Variants in ARHGAP25 observed in about 807,000 individuals in gnomAD.
ARHGAP25 encodes rho GTPase-activating protein 25.
In ARHGAP25, 34 loss-of-function variants were observed where a neutral mutation model predicts 71.0. The observed-to-expected ratio is 0.48, with a 90% confidence interval of 0.36 to 0.64. The LOEUF (loss-of-function observed/expected upper bound fraction) is 0.64. Ranked by LOEUF, ARHGAP25 falls within the 30% of genes least tolerant of loss-of-function variation. The pLI is 0.00. For missense variants in ARHGAP25, 706 were observed against 805.1 expected (o/e 0.88, Z 1.49); for synonymous variants, 282 against 296.5 (o/e 0.95, Z 0.50).
intron 2 of ARHGAP25, among the ~76,000 whole-genome samples, chr2:68,715,080 C>T (rs777424820): frequency 2.0e-5 from 3 of 152,008 alleles, no homozygotes; most frequent in Non-Finnish European, 4.4e-5. Context: ...GGGGCTTGTG[C>T]GCTGGAAGGC....
rs1159891847 is a variant in ARHGAP25 at position 68,807,268 on chromosome 2, C to T, written c.467-5C>T. ...ACGGGCAGGTTCTGTTTGCTCTCTC[C>T]TCAGCAGTGTTTGGCCAGCGCTTGG... is the stretch of plus-strand genomic sequence containing the variant. On this transcript the variant is annotated splice_polypyrimidine_tract_variant and splice_region_variant and intron_variant, in intron 4 of 10. Coordinates refer to ENST00000409202, the MANE Select transcript of ARHGAP25 (RefSeq NM_001007231.3). 1.2e-6 allele frequency: 2 copies of T among 1,614,182 alleles called. No homozygotes were observed. The highest frequency in any genetic ancestry group is 1.7e-6 in the Non-Finnish European group (2 of 1,180,016).
intron 1 of ARHGAP25, among the ~76,000 whole-genome samples, chr2:68,740,581 A>G (rs1675468569): frequency 6.6e-6 from 1 of 152,150 alleles, no homozygotes; most frequent in African/African-American, 2.4e-5. Context: ...CACAATGTAA[A>G]CATCTTGTCC....
intron 1 of ARHGAP25, among the ~76,000 whole-genome samples, chr2:68,760,681 AAG>A (rs1676754203): frequency 6.6e-6 from 1 of 152,020 alleles, no homozygotes; most frequent in African/African-American, 2.4e-5. Flanking sequence ...ACATTTCTGA[AAG>A]AAATTAAAGA....
intron 3 of ARHGAP25, among the ~76,000 whole-genome samples, chr2:68,784,369 T>C (rs1678592978): frequency 6.6e-6 from 1 of 152,208 alleles, no homozygotes; most frequent in South Asian, 2.1e-4. Flanking sequence ...TCATCCTCTT[T>C]TGCAAGATGA....
At chr2:68,733,076 G>A (rs950749468), upstream of ARHGAP25, among the ~76,000 whole-genome samples, 4 of 152,216 alleles carry the variant, frequency 2.6e-5, no homozygotes, top group Non-Finnish European at 4.4e-5. Flanking sequence ...GAGTCCAGTC[G>A]AGTCTTGGTT....
intron 5 of ARHGAP25, among the ~76,000 whole-genome samples, chr2:68,810,578 A>AT (rs1680712668): frequency 6.6e-6 from 1 of 152,138 alleles, no homozygotes; most frequent in Non-Finnish European, 1.5e-5. Context: ...TGAAGTATCC[A>AT]TGGTGTAGCT....
intron 2 of ARHGAP25, among the ~76,000 whole-genome samples, chr2:68,721,207 A>C (rs1674754433): frequency 6.6e-6 from 1 of 152,240 alleles, no homozygotes; most frequent in Non-Finnish European, 1.5e-5. Flanking sequence ...AAGGTTGGTG[A>C]CGCCTTTTAT....
At chr2:68,824,700 C>T (rs1400004861) in intron 10 of ARHGAP25, among the ~76,000 whole-genome samples, 1 of 152,012 alleles carries the variant, frequency 6.6e-6, no homozygotes, top group Non-Finnish European at 1.5e-5. Context: ...CGAGATCATG[C>T]CACTGCACTC....
At chr2:68,775,176 GC>G in intron 1 of ARHGAP25, 44 bp from the exon 2 acceptor site, 7 of 1,614,140 alleles carry the variant, frequency 4.3e-6, no homozygotes, top group Non-Finnish European at 5.9e-6. Flanking sequence ...TTTGCTCACT[GC>G]CCCATGTCCC....
chr2:68,750,737 C>T (rs1311000204), intron 1 of ARHGAP25, among the ~76,000 whole-genome samples: 2 of 152,178 alleles, frequency 1.3e-5, no homozygotes, highest in African/African-American at 4.8e-5. Context: ...TCTGAGGTTC[C>T]CTGCAGACCG....
At chr2:68,726,155 C>T (rs1176670807) in intron 2 of ARHGAP25, among the ~76,000 whole-genome samples, 2 of 152,164 alleles carry the variant, frequency 1.3e-5, no homozygotes, top group Admixed American at 6.5e-5. Context: ...CAAAAGCAGG[C>T]GTTTTCATCT....
At chr2:68,778,445 G>A (rs1678078950) in intron 2 of ARHGAP25, among the ~76,000 whole-genome samples, 2 of 151,972 alleles carry the variant, frequency 1.3e-5, no homozygotes, top group African/African-American at 4.8e-5. Context: ...TCTGAATACT[G>A]GGGTTACACA....
chr2:68,814,912 T>G (rs1681089543), intron 6 of ARHGAP25, among the ~76,000 whole-genome samples: 1 of 152,240 alleles, frequency 6.6e-6, no homozygotes, highest in Non-Finnish European at 1.5e-5. Context: ...GAGAAAGGGA[T>G]ATGAAAAGTC....
At chr2:68,789,078 G>A in intron 4 of ARHGAP25, among the ~76,000 whole-genome samples, 1 of 152,008 alleles carries the variant, frequency 6.6e-6, no homozygotes, top group East Asian at 1.9e-4. Context: ...TGTCGCCCAG[G>A]ATGGAGTGCA....
intron 1 of ARHGAP25, among the ~76,000 whole-genome samples, chr2:68,772,656 T>G (rs1353583084): frequency 6.6e-6 from 1 of 152,248 alleles, no homozygotes; most frequent in Non-Finnish European, 1.5e-5. Flanking sequence ...GATACAGAAC[T>G]GTATACAGTC....
intron 1 of ARHGAP25, among the ~76,000 whole-genome samples, chr2:68,739,629 T>C (rs1233726614): frequency 6.6e-6 from 1 of 152,058 alleles, no homozygotes; most frequent in African/African-American, 2.4e-5. Flanking sequence ...ATACAAGACA[T>C]GGGAGGGAGT....
intron 9 of ARHGAP25, among the ~76,000 whole-genome samples, chr2:68,821,970 TTC>T (rs1260586045): frequency 2.6e-5 from 4 of 151,496 alleles, no homozygotes; most frequent in Non-Finnish European, 5.9e-5. Context: ...TTTATTTTTG[TTC>T]TTTTTAATTT....
intron 1 of ARHGAP25, among the ~76,000 whole-genome samples, chr2:68,752,503 C>G (rs1171786647): frequency 6.6e-6 from 1 of 152,134 alleles, no homozygotes; most frequent in African/African-American, 2.4e-5. Context: ...CCCAACTCCA[C>G]CTTTCTAAGG....
At chr2:68,821,906 GTTTTTTTTTT>G (rs59964574) in intron 9 of ARHGAP25, among the ~76,000 whole-genome samples, 15 of 81,636 alleles carry the variant, frequency 1.8e-4, no homozygotes, top group Non-Finnish European at 3.0e-4. Context: ...CTTTTTGCTA[GTTTTTTTTTT>G]TTTTTTTTTT....
Sources: gnomAD v4.1 joint callset for allele counts (sites outside exome capture counted in the v4.1 genomes callset) on GRCh38, gnomAD v4.1.1 for gene constraint, MANE v1.5 for transcripts, NCBI Gene and HGNC (gene_info 2026-07-23, HGNC 2026-07-21) for gene names.